The following ESCO2 variants were observed in gnomAD, a reference collection of about 807,000 sequenced individuals.
ESCO2 encodes N-acetyltransferase ESCO2.
A neutral mutation model predicts 61.7 loss-of-function variants in ESCO2; 51 were observed. The ratio of observed to expected loss-of-function variants is 0.83; its 90% confidence interval spans 0.66 to 1.04. ESCO2 has a LOEUF of 1.04. ESCO2 is among the 50% of genes least tolerant of loss of function. ESCO2 has a pLI of 0.00. For missense variants in ESCO2, 692 were observed against 686.2 expected (o/e 1.01, Z -0.09); for synonymous variants, 230 against 238.2 (o/e 0.97, Z 0.32).
chr8:27,772,391 G>T, upstream of ESCO2: 1 of 938,978 alleles, frequency 1.1e-6, no homozygotes, highest in South Asian at 1.4e-5. Context: ...AGAGGCCGCG[G>T]GAAGAGGCAC....
upstream of ESCO2, chr8:27,772,389 C>T (rs139059317): frequency 2.1e-3 from 1,898 of 915,334 alleles, 33 homozygotes; most frequent in African/African-American, 0.027. Flanking sequence ...CGAGAGGCCG[C>T]GGGAAGAGGC....
chr8:27,781,068 T>C (rs35594916), intron 4 of ESCO2, among the ~76,000 whole-genome samples: 41,366 of 152,070 alleles, frequency 0.27, 6,446 homozygotes, highest in Middle Eastern at 0.36. Context: ...TCTAAGTCAA[T>C]TTAAAGAAAA....
intron 5 of ESCO2, among the ~76,000 whole-genome samples, chr8:27,786,836 G>C (rs952829004): frequency 1.8e-5 from 1 of 55,342 alleles, no homozygotes; most frequent in African/African-American, 7.2e-5. Context: ...CCTGTTGTTT[G>C]AACTTCTTAC....
intron 1 of ESCO2, among the ~76,000 whole-genome samples, chr8:27,775,242 C>T (rs906954577): frequency 6.6e-6 from 1 of 152,134 alleles, no homozygotes; most frequent in Admixed American, 6.5e-5. Context: ...TACAGACGGT[C>T]TCTGCCTTCA....
chr8:27,816,877 G>C (rs951850692), downstream of ESCO2, among the ~76,000 whole-genome samples: 1 of 151,834 alleles, frequency 6.6e-6, no homozygotes, highest in Non-Finnish European at 1.5e-5. Context: ...ATTCTATTGT[G>C]TGGTAGTATA....
chr8:27,803,589 T>C lies in ESCO2; in HGVS notation c.*151T>C, dbSNP rs993018973. The C allele has an allele frequency of 1.4e-6, 2 of 1,397,766 alleles. No homozygotes were observed. Among genetic ancestry groups the C allele is most frequent in the African/African-American group, 3.0e-5 (2 of 67,530 alleles). 86.6% of individuals were successfully genotyped at this position (1,397,766 alleles called of 1,614,324 possible). Reference sequence around the variant, plus strand: ...ACACGCACACACACATATCACAGTTTTGTTCCTTATGAGTTGAAAAGTCAG... The same window carrying C: ...ACACGCACACACACATATCACAGTTCTGTTCCTTATGAGTTGAAAAGTCAG... On this transcript the variant is annotated 3_prime_UTR_variant, in exon 11 of 11. Coordinates refer to ENST00000305188, the MANE Select transcript of ESCO2 (RefSeq NM_001017420.3).
At chr8:27,789,316 A>C (rs536888411) in intron 7 of ESCO2, among the ~76,000 whole-genome samples, 1 of 152,214 alleles carries the variant, frequency 6.6e-6, no homozygotes, top group South Asian at 2.1e-4. Flanking sequence ...TTTCAAGTCC[A>C]AACACATCCT....
intron 1 of ESCO2, 31 bp from the exon 2 acceptor site, chr8:27,775,468 T>A (rs1231524456): frequency 2.6e-6 from 4 of 1,568,508 alleles, no homozygotes; most frequent in Non-Finnish European, 3.5e-6. Flanking sequence ...TTTAATATTT[T>A]GATGAATGTG....
At chr8:27,790,914 A>G (rs1310039228) in intron 7 of ESCO2, among the ~76,000 whole-genome samples, 1 of 152,198 alleles carries the variant, frequency 6.6e-6, no homozygotes, top group African/African-American at 2.4e-5. Flanking sequence ...ACTTTTATAA[A>G]TGTAGCTTCA....
intron 7 of ESCO2, among the ~76,000 whole-genome samples, chr8:27,789,946 G>A (rs1805138324): frequency 6.6e-6 from 1 of 152,208 alleles, no homozygotes; most frequent in African/African-American, 2.4e-5. Context: ...GTGTGTATGT[G>A]TGTAGTTTAA....
chr8:27,811,658 T>A (rs1351998750), downstream of ESCO2, among the ~76,000 whole-genome samples: 2 of 152,152 alleles, frequency 1.3e-5, no homozygotes, highest in Non-Finnish European at 1.5e-5. Context: ...TAAACTTGAG[T>A]CAACTTGTCA....
downstream of ESCO2, among the ~76,000 whole-genome samples, chr8:27,817,325 C>T (rs1000087509): frequency 1.3e-5 from 2 of 152,102 alleles, no homozygotes; most frequent in East Asian, 3.9e-4. Flanking sequence ...GAAAGTTTCA[C>T]TGAACAGCAC....
chr8:27,786,256 G>T (rs146315263), intron 5 of ESCO2, among the ~76,000 whole-genome samples: 1 of 152,198 alleles, frequency 6.6e-6, no homozygotes, highest in African/African-American at 2.4e-5. Flanking sequence ...TAAAGAAGGG[G>T]TCGGGAGCTC....
chr8:27,811,010 C>G (rs770864767), downstream of ESCO2: 1 of 1,612,516 alleles, frequency 6.2e-7, no homozygotes, highest in African/African-American at 1.3e-5. Context: ...ATAAAGTCAT[C>G]ATTTCCCACA....
chr8:27,812,855 C>T (rs1274793109), downstream of ESCO2, among the ~76,000 whole-genome samples: 4 of 152,138 alleles, frequency 2.6e-5, no homozygotes, highest in African/African-American at 4.8e-5. Flanking sequence ...AATAGGAATG[C>T]TTTTACACTG....
intron 3 of ESCO2, chr8:27,778,763 A>G (rs775587432): frequency 9.9e-5 from 15 of 152,026 alleles, no homozygotes; most frequent in Non-Finnish European, 1.9e-4. Context: ...TCTTAGCTTC[A>G]CTTTACGGGT....
downstream of ESCO2, among the ~76,000 whole-genome samples, chr8:27,813,705 C>G (rs1414447470): frequency 6.6e-6 from 1 of 152,094 alleles, no homozygotes; most frequent in Non-Finnish European, 1.5e-5. Flanking sequence ...CACGAAGCTT[C>G]CATTATGCAG....
At chr8:27,808,347 G>A (rs568407381), downstream of ESCO2, 58 of 436,756 alleles carry the variant, frequency 1.3e-4, no homozygotes, top group African/African-American at 1.2e-3. Flanking sequence ...AGGTGAGAAA[G>A]CCACTTGAGA....
chr8:27,805,977 C>T (rs1805555244), downstream of ESCO2, among the ~76,000 whole-genome samples: 1 of 152,074 alleles, frequency 6.6e-6, no homozygotes, highest in Admixed American at 6.6e-5. Flanking sequence ...ACCTGGGGCT[C>T]TTTGGAGAAA....
Sources: allele counts gnomAD v4.1 joint callset (sites outside exome capture counted in the v4.1 genomes callset), GRCh38; gene constraint gnomAD v4.1.1; transcripts MANE v1.5; gene names NCBI Gene and HGNC (gene_info 2026-07-23, HGNC 2026-07-21).